The following GPSM2 variants were observed in gnomAD, a reference collection of about 807,000 sequenced individuals.
The protein encoded by GPSM2 is G protein signaling modulator 2.
In GPSM2, 58 loss-of-function variants were observed where a neutral mutation model predicts 78.4. The observed-to-expected ratio is 0.74, with a 90% CI of 0.60 to 0.92. GPSM2 has a LOEUF of 0.92. Among genes scored for constraint, GPSM2 ranks in the 40% least tolerant of loss-of-function variants. GPSM2 has a pLI of 0.00. For missense variants in GPSM2, 700 were observed against 815.5 expected (o/e 0.86, Z 1.73); for synonymous variants, 224 against 280.2 (o/e 0.80, Z 2.00).
Position 108,904,143 on chromosome 1 carries a change from G to A in GPSM2, c.1081G>A (p.Glu361Lys), listed in dbSNP as rs1228049709. The part of the protein sequence containing the change: ...ISREVGDKSG[E>K]LTARLNLSDL... ...GTTGTAGGTTGGGGATAAAAGTGGTGAACTAACAGCACGACTTAATCTCTC... is the reference window on the plus strand; with the variant it reads ...GTTGTAGGTTGGGGATAAAAGTGGTAAACTAACAGCACGACTTAATCTCTC... The change falls in exon 10 of 15, where the codon GAA becomes AAA. Residue 361 changes from glutamate to lysine, a missense_variant. Glu to Lys is a moderately conservative substitution (Grantham distance 56). Transcript: ENST00000264126. The A allele has an allele frequency of 6.9e-6, 11 of 1,600,662 alleles. No individual in the cohort carries two copies. The highest frequency in any genetic ancestry group is 8.6e-6 in the Non-Finnish European group (10 of 1,168,604).
At chr1:108,929,357 G>C (rs895374782) in intron 14 of GPSM2, among the ~76,000 whole-genome samples, 2 of 152,054 alleles carry the variant, frequency 1.3e-5, no homozygotes, top group Non-Finnish European at 2.9e-5. Context: ...TTATAACCTT[G>C]AACTGTCATA....
chr1:108,910,635 C>A (rs1032215249), intron 10 of GPSM2, among the ~76,000 whole-genome samples: 1 of 152,032 alleles, frequency 6.6e-6, no homozygotes, highest in African/African-American at 2.4e-5. Flanking sequence ...GAGGCTGAGG[C>A]GGGCGGATCA....
At chr1:108,910,807 G>T (rs1423911079) in intron 10 of GPSM2, among the ~76,000 whole-genome samples, 1 of 151,312 alleles carries the variant, frequency 6.6e-6, no homozygotes, top group Non-Finnish European at 1.5e-5. Flanking sequence ...AGGTTGCAGT[G>T]AGCCGAGATA....
chr1:108,898,771 G>A lies in GPSM2; in HGVS notation c.681+6G>A, dbSNP rs771268844. 1 of 1,614,014 alleles carries A rather than the reference G, an allele frequency of 6.2e-7. No homozygotes were observed. Among genetic ancestry groups the A allele is most frequent in the South Asian group, 1.1e-5 (1 of 91,054 alleles). On this transcript the variant is annotated splice_donor_region_variant and intron_variant, in intron 6 of 14. Coordinates refer to ENST00000264126, the MANE Select transcript of GPSM2 (RefSeq NM_013296.5). ...CAGTTATAGCTCATGAGCAGGTACA[G>A]TGGAAAGCCTTGGAGCCAGATCATT...
chr1:108,880,878 A>AG (rs1390147473), intron 1 of GPSM2, among the ~76,000 whole-genome samples: 1 of 152,240 alleles, frequency 6.6e-6, no homozygotes, highest in African/African-American at 2.4e-5. Flanking sequence ...TTGGCATTTA[A>AG]GTGGCAGTCA....
At chr1:108,917,167 C>T (rs1650292893) in intron 11 of GPSM2, among the ~76,000 whole-genome samples, 1 of 152,198 alleles carries the variant, frequency 6.6e-6, no homozygotes, top group South Asian at 2.1e-4. Flanking sequence ...TTTTCCTTTT[C>T]TCTAAACAAT....
chr1:108,883,253 T>C (rs930128709), intron 1 of GPSM2, among the ~76,000 whole-genome samples: 1 of 152,246 alleles, frequency 6.6e-6, no homozygotes, highest in African/African-American at 2.4e-5. Flanking sequence ...TCCTTTCACC[T>C]TCTGCTCTGT....
rs1648786180 is a variant in GPSM2 at position 108,901,304 on chromosome 1, G to A, written c.798-486G>A. ...AGTATTCAGTATTTTTCATGAGTTG[G>A]TGACTAATGCCCGATACATAAGAAT... On this transcript the variant is annotated intron_variant, in intron 7 of 14. Transcript: ENST00000264126. Among the ~76,000 whole-genome samples, 3 of 152,284 alleles carry A rather than the reference G, an allele frequency of 2.0e-5. No individual in the cohort carries two copies. The South Asian group carries it at 6.2e-4, about 32-fold the overall frequency.
At position 108,920,519 on chromosome 1, in the gene GPSM2, C is replaced by CA. The variant is rs200810622; in HGVS notation, c.1440+1739dup. 1.8e-3 allele frequency among the ~76,000 whole-genome samples: 267 copies of CA among 145,740 alleles called. 2 individuals carry two copies. Among genetic ancestry groups the CA allele is most frequent in the Middle Eastern group, 7.0e-3 (2 of 286 alleles). On this transcript the variant is annotated intron_variant, in intron 12 of 14. Coordinates refer to ENST00000264126, the MANE Select transcript of GPSM2 (RefSeq NM_013296.5). ...ATTTTTCCAGCAATGAGAGCCTTTG[C>CA]AAAAAAAAAGCCTTTTTTTTTTAAA...
intron 4 of GPSM2, 112 bp from the exon 5 acceptor site, chr1:108,897,846 AG>A: frequency 2.9e-6 from 3 of 1,046,300 alleles, no homozygotes; most frequent in Admixed American, 2.0e-5. Flanking sequence ...CTGTATGGAG[AG>A]CCAATATAAA....
At chr1:108,919,384 C>T (rs1650530449) in intron 12 of GPSM2, among the ~76,000 whole-genome samples, 1 of 152,146 alleles carries the variant, frequency 6.6e-6, no homozygotes, top group Non-Finnish European at 1.5e-5. Context: ...CCAGTAAAAC[C>T]ACCCTCTACT....
intron 3 of GPSM2, 96 bp from the exon 4 acceptor site, chr1:108,897,396 C>A (rs1570900946): frequency 2.4e-6 from 3 of 1,234,004 alleles, no homozygotes; most frequent in East Asian, 5.1e-5. Context: ...TCAGTTTGTC[C>A]TCTTGGAAAA....
chr1:108,901,610 C>T (rs904688732), intron 7 of GPSM2, among the ~76,000 whole-genome samples, 180 bp from the exon 8 acceptor site: 10 of 152,062 alleles, frequency 6.6e-5, no homozygotes, highest in African/African-American at 2.4e-4. Flanking sequence ...TTCTGTGTTT[C>T]AAAAACGTCT....
intron 5 of GPSM2, 45 bp from the exon 6 acceptor site, chr1:108,898,597 T>C (rs766609006): frequency 3.1e-6 from 5 of 1,598,294 alleles, no homozygotes; most frequent in Non-Finnish European, 4.3e-6. Context: ...ATACATAAAA[T>C]TGTTCTGCAA....
Position 108,881,343 on chromosome 1 carries a change from A to G in GPSM2, c.-248-3932A>G, listed in dbSNP as rs150448809. On this transcript the variant is annotated intron_variant, in intron 1 of 14. Transcript: ENST00000264126. ...GGAGGTTGAACTTGATGACTTCTCA[A>G]TATCCTTTCAAACCTACAAATTATT... Among the ~76,000 whole-genome samples, 590 of 152,296 alleles carry G rather than the reference A, an allele frequency of 3.9e-3. 9 individuals carry two copies. Among genetic ancestry groups the G allele is most frequent in the African/African-American group, 0.013 (553 of 41,550 alleles).
At chr1:108,905,410 A>G (rs1427967849) in intron 10 of GPSM2, among the ~76,000 whole-genome samples, 1 of 152,078 alleles carries the variant, frequency 6.6e-6, no homozygotes, top group Non-Finnish European at 1.5e-5. Flanking sequence ...CTTTGCCCTC[A>G]CCATGTCTCT....
intron 2 of GPSM2, among the ~76,000 whole-genome samples, chr1:108,892,639 T>A (rs1443313364): frequency 6.6e-6 from 1 of 152,192 alleles, no homozygotes; most frequent in Non-Finnish European, 1.5e-5. Flanking sequence ...CTTCTACATG[T>A]GGGTATGTTC....
intron 7 of GPSM2, among the ~76,000 whole-genome samples, chr1:108,900,865 C>G (rs1162987966): frequency 6.6e-6 from 1 of 152,230 alleles, no homozygotes; most frequent in Non-Finnish European, 1.5e-5. Flanking sequence ...TTAAAAAAAG[C>G]TATCACGTTA....
At chr1:108,883,624 T>G (rs2101316514) in intron 1 of GPSM2, among the ~76,000 whole-genome samples, 2 of 152,332 alleles carry the variant, frequency 1.3e-5, no homozygotes, top group Middle Eastern at 3.4e-3. Flanking sequence ...TGTATATCCT[T>G]CTTTGTCTTT....
Sources: allele counts gnomAD v4.1 joint callset (sites outside exome capture counted in the v4.1 genomes callset), GRCh38; gene constraint gnomAD v4.1.1; transcripts MANE v1.5; gene names NCBI Gene and HGNC (gene_info 2026-07-23, HGNC 2026-07-21).